The following RSU1 variants were observed in gnomAD, a reference collection of about 807,000 sequenced individuals.
RSU1 encodes Ras suppressor protein 1, also known as rsu-1.
A neutral mutation model predicts 31.1 loss-of-function variants in RSU1; 26 were observed. The ratio of observed to expected loss-of-function variants is 0.84; its 90% confidence interval spans 0.61 to 1.16. The LOEUF is 1.16. Among genes scored for constraint, RSU1 ranks in the 50% most tolerant of loss-of-function variants. RSU1 has a pLI of 0.00. For synonymous variants in RSU1, 164 were observed against 136.3 expected (o/e 1.20, Z -1.41); for missense variants, 320 against 339.1 (o/e 0.94, Z 0.44).
At chr10:16,745,907 A>G (rs1196879720) in intron 7 of RSU1, among the ~76,000 whole-genome samples, 1 of 152,254 alleles carries the variant, frequency 6.6e-6, no homozygotes. Flanking sequence ...TGACAGTAAC[A>G]GAAGAGAAGA....
At chr10:16,711,836 A>G (rs971638330) in intron 7 of RSU1, among the ~76,000 whole-genome samples, 1 of 152,178 alleles carries the variant, frequency 6.6e-6, no homozygotes, top group Non-Finnish European at 1.5e-5. Context: ...TTCATGTGTA[A>G]TTGAGAAGAA....
intron 8 of RSU1, among the ~76,000 whole-genome samples, chr10:16,686,947 A>G (rs1257005778): frequency 6.6e-6 from 1 of 152,198 alleles, no homozygotes; most frequent in Non-Finnish European, 1.5e-5. Context: ...TGCATTGAGT[A>G]AAAAAGGCAA....
rs939533130 is a variant in RSU1 at position 16,731,370 on chromosome 10, C to A, written c.598+21169G>T. ...GCGTGAACCCAGGAGGCGGAGCTTG[C>A]AGTGAGCCGAGATAGCACCACTGCA... On this transcript the variant is annotated intron_variant, in intron 7 of 8. Coordinates refer to ENST00000345264, the MANE Select transcript of RSU1 (RefSeq NM_012425.4). Among the ~76,000 whole-genome samples the A allele has an allele frequency of 6.7e-5, 10 of 148,488 alleles. No homozygotes were observed. The East Asian group carries it at 2.0e-3, about 30-fold the overall frequency.
intron 4 of RSU1, among the ~76,000 whole-genome samples, chr10:16,759,293 A>T (rs1837159026): frequency 6.6e-6 from 1 of 152,102 alleles, no homozygotes. Flanking sequence ...TAAGCTCAGG[A>T]GCTCGAGACC....
intron 8 of RSU1, among the ~76,000 whole-genome samples, chr10:16,690,687 CAGA>C (rs1226048568): frequency 6.6e-6 from 1 of 152,192 alleles, no homozygotes; most frequent in African/African-American, 2.4e-5. Flanking sequence ...GCCCTAGACT[CAGA>C]AGAACTTGAG....
At chr10:16,784,215 G>A (rs1263605205) in intron 2 of RSU1, among the ~76,000 whole-genome samples, 1 of 151,856 alleles carries the variant, frequency 6.6e-6, no homozygotes, top group East Asian at 1.9e-4. Context: ...CCAAGCAACT[G>A]AGACCACAGG....
intron 2 of RSU1, among the ~76,000 whole-genome samples, chr10:16,808,599 A>T (rs1838331337): frequency 6.6e-6 from 1 of 152,020 alleles, no homozygotes. Context: ...TAAAATGCTG[A>T]CGGTAGGTGA....
intron 3 of RSU1, among the ~76,000 whole-genome samples, chr10:16,779,751 AG>A (rs1837611517): frequency 6.6e-6 from 1 of 152,222 alleles, no homozygotes; most frequent in Non-Finnish European, 1.5e-5. Flanking sequence ...GGGTGTGCCT[AG>A]CCACTTACAC....
chr10:16,727,272 G>C (rs893148643), intron 7 of RSU1: 4 of 363,808 alleles, frequency 1.1e-5, no homozygotes, highest in Non-Finnish European at 2.3e-5. Context: ...AACTTGATTG[G>C]AGGCAAATGG....
intron 7 of RSU1, among the ~76,000 whole-genome samples, chr10:16,724,281 T>C (rs1378764319): frequency 6.6e-6 from 1 of 152,212 alleles, no homozygotes; most frequent in Non-Finnish European, 1.5e-5. Context: ...AAAACATTTC[T>C]GTATATTCTC....
At chr10:16,674,885 T>G (rs1327758740) in intron 8 of RSU1, among the ~76,000 whole-genome samples, 1 of 151,772 alleles carries the variant, frequency 6.6e-6, no homozygotes, top group Non-Finnish European at 1.5e-5. Flanking sequence ...ATACAAAGAT[T>G]AGCCAGGCGT....
Position 16,782,375 on chromosome 10 carries a change from T to C in RSU1, c.110-291A>G, listed in dbSNP as rs569624295. On this transcript the variant is annotated intron_variant, in intron 2 of 8. Transcript: ENST00000345264. Reference sequence around the variant, plus strand: ...GTTAGCTCTGCGTGGCGCCCCGACCTGCTTGCCCAGCCATTAGTGATCCAT... The same window carrying C: ...GTTAGCTCTGCGTGGCGCCCCGACCCGCTTGCCCAGCCATTAGTGATCCAT... Among the ~76,000 whole-genome samples the C allele has an allele frequency of 5.3e-5, 8 of 152,326 alleles. No homozygotes were observed. The East Asian group carries it at 1.3e-3, about 26-fold the overall frequency.
intron 7 of RSU1, among the ~76,000 whole-genome samples, chr10:16,704,770 T>C (rs1300563764): frequency 1.3e-5 from 2 of 152,226 alleles, no homozygotes; most frequent in East Asian, 1.9e-4. Flanking sequence ...GTTTTTTTGG[T>C]TCTACTTTAA....
chr10:16,688,827 C>G (rs1016408666), intron 8 of RSU1, among the ~76,000 whole-genome samples: 1 of 148,244 alleles, frequency 6.7e-6, no homozygotes, highest in East Asian at 1.9e-4. Context: ...ATAGCAAGAC[C>G]CCCAGTCTCC....
At chr10:16,648,134 T>TTTATTTTATTTTTTA (rs1202910646) in intron 8 of RSU1, among the ~76,000 whole-genome samples, 13 of 143,614 alleles carry the variant, frequency 9.1e-5, no homozygotes, top group African/African-American at 3.1e-4. Flanking sequence ...AAAAAAAAAT[T>TTTATTTTATTTTTTA]TTTTTTTTTT....
At chr10:16,734,964 G>T (rs892493746) in intron 7 of RSU1, among the ~76,000 whole-genome samples, 20 of 152,172 alleles carry the variant, frequency 1.3e-4, no homozygotes, top group African/African-American at 4.6e-4. Flanking sequence ...GACACAGGGA[G>T]AAAAGGGCCA....
rs528532010 is a variant in RSU1, at chr10:16,625,474, C to T, written c.732-31978G>A. ...AAGAAGCAAAGCGGTGTTCCTGTGA[C>T]GGCAGGGTCCCCAGTGCGTTCTGAT... On this transcript the variant is annotated intron_variant, in intron 8 of 8. Coordinates refer to ENST00000345264, the MANE Select transcript of RSU1 (RefSeq NM_012425.4). Among the ~76,000 whole-genome samples the T allele has an allele frequency of 7.9e-5, 12 of 152,308 alleles. No individual in the cohort carries two copies. The South Asian group carries it at 8.3e-4, about 11-fold the overall frequency.
chr10:16,719,516 A>G (rs1397649173), intron 7 of RSU1, among the ~76,000 whole-genome samples: 1 of 152,176 alleles, frequency 6.6e-6, no homozygotes, highest in Non-Finnish European at 1.5e-5. Context: ...TCACCTCTTC[A>G]GAGACGCCTC....
At chr10:16,811,240 T>C (rs1324204006) in intron 2 of RSU1, among the ~76,000 whole-genome samples, 1 of 152,176 alleles carries the variant, frequency 6.6e-6, no homozygotes, top group Admixed American at 6.5e-5. Flanking sequence ...AGGTGTGTAG[T>C]AGGCTACACC....
Sources: allele counts gnomAD v4.1 joint callset (sites outside exome capture counted in the v4.1 genomes callset), GRCh38; gene constraint gnomAD v4.1.1; transcripts MANE v1.5; gene names NCBI Gene and HGNC (gene_info 2026-07-23, HGNC 2026-07-21).